The following DOLPP1 variants were observed in gnomAD, a reference collection of about 807,000 sequenced individuals.
DOLPP1 encodes dolichyldiphosphatase 1.
Under a neutral mutation model 34.1 loss-of-function variants are expected in DOLPP1, and 15 were observed. The observed-to-expected ratio is 0.44, with a 90% CI of 0.29 to 0.68. The LOEUF (loss-of-function observed/expected upper bound fraction) is 0.68. Ranked by LOEUF, DOLPP1 falls within the 30% of genes least tolerant of loss-of-function variation. The pLI is 0.12. For missense variants in DOLPP1, 249 were observed against 307.1 expected (o/e 0.81, Z 1.41); for synonymous variants, 130 against 128.2 (o/e 1.01, Z -0.10).
At chr9:129,086,597 T>A in intron 6 of DOLPP1, 112 bp from the exon 7 acceptor site, 1 of 1,132,796 alleles carries the variant, frequency 8.8e-7, no homozygotes, top group Non-Finnish European at 1.3e-6. Flanking sequence ...GCAAAGACTC[T>A]AGGCAGTCGG....
chr9:129,083,518 G>C (rs1338812906), intron 1 of DOLPP1, among the ~76,000 whole-genome samples: 1 of 152,190 alleles, frequency 6.6e-6, no homozygotes, highest in Non-Finnish European at 1.5e-5. Context: ...GTAGGATCCT[G>C]TGTGTGGATG....
chr9:129,083,663 C>T, intron 1 of DOLPP1, among the ~76,000 whole-genome samples: 1 of 152,160 alleles, frequency 6.6e-6, no homozygotes, highest in East Asian at 1.9e-4. Flanking sequence ...ACCTCTGCCC[C>T]AACATGGAAG....
rs188917700 is a variant in DOLPP1 at position 129,088,334 on chromosome 9, G to A, written c.681-637G>A. Among the ~76,000 whole-genome samples, 111 of 152,196 alleles carry A rather than the reference G, an allele frequency of 7.3e-4. 3 individuals carry two copies. In the East Asian group the frequency reaches 0.017, roughly 23 times the overall value. On this transcript the variant is annotated intron_variant, in intron 7 of 7. Transcript: ENST00000372546. ...GGGTGTGTTGTGGGATGAGGCTGGG[G>A]ACAGATCACACAGGACCAGTCAGGT...
At chr9:129,088,460 G>A (rs1424453280) in intron 7 of DOLPP1, among the ~76,000 whole-genome samples, 2 of 152,068 alleles carry the variant, frequency 1.3e-5, no homozygotes, top group Non-Finnish European at 2.9e-5. Flanking sequence ...GGTTCCCTCA[G>A]GTTCCTGGGC....
chr9:129,088,916 T>C, intron 7 of DOLPP1, 55 bp from the exon 8 acceptor site: 1 of 1,592,394 alleles, frequency 6.3e-7, no homozygotes, highest in Non-Finnish European at 8.6e-7. Flanking sequence ...TGGGGACAGC[T>C]GTAGGTCACT....
Position 129,089,236 on chromosome 9 carries a change from C to A in DOLPP1, c.*229C>A, listed in dbSNP as rs991142298. On this transcript the variant is annotated 3_prime_UTR_variant, in exon 8 of 8. Transcript: ENST00000372546. This position sits in a 1 kb window ranked among gnomAD's most constrained non-coding sequence, Gnocchi z 4.9. Reference sequence around the variant, plus strand: ...GCTGCCTGGGGGCCGTGGCCAGAGACCCTCGCTGTGCTGCTGCCAGCCCCT... The same window carrying A: ...GCTGCCTGGGGGCCGTGGCCAGAGAACCTCGCTGTGCTGCTGCCAGCCCCT... The A allele has an allele frequency of 6.1e-6, 3 of 492,426 alleles. No individual in the cohort carries two copies. The highest frequency in any genetic ancestry group is 1.1e-5 in the Non-Finnish European group (3 of 271,272). The allele number at this position is 492,426 out of a possible 1,614,324, so 30.5% of individuals were successfully genotyped here. A position where few individuals can be genotyped will look rare whatever the true frequency, so the allele number is the denominator to read the frequency against.
chr9:129,088,257 C>T (rs1176852860), intron 7 of DOLPP1, among the ~76,000 whole-genome samples: 5 of 152,004 alleles, frequency 3.3e-5, no homozygotes, highest in Admixed American at 2.0e-4. Context: ...GCTGACAAAG[C>T]TTGGTGACTG....
In DOLPP1 at chr9:129,085,107, G is replaced by A. The variant is rs1464491488; in HGVS notation, c.262G>A (p.Gly88Ser). 1.2e-6 allele frequency: 2 copies of A among 1,600,682 alleles called. No homozygotes were observed. Among genetic ancestry groups the A allele is most frequent in the Admixed American group, 1.7e-5 (1 of 58,872 alleles). ...CATCCAGGAGCCACGGCCCTGTGGAGGTAGGGCCTCAGCTGCGAGGGCCTG... is the reference window on the plus strand; with the variant it reads ...CATCCAGGAGCCACGGCCCTGTGGAAGTAGGGCCTCAGCTGCGAGGGCCTG... ...NVIQEPRPCG[G>S]PHTAVGTKYG... Residue 88 changes from glycine to serine, a missense_variant and splice_region_variant, in exon 3 of 8, where the codon GGC becomes AGC. Coordinates refer to ENST00000372546, the MANE Select transcript of DOLPP1 (RefSeq NM_020438.5). This position sits in a 1 kb window ranked among gnomAD's most constrained non-coding sequence, Gnocchi z 7.0.
intron 1 of DOLPP1, 131 bp downstream of exon 1, chr9:129,081,338 G>T: frequency 2.6e-6 from 3 of 1,155,790 alleles, no homozygotes; most frequent in East Asian, 3.0e-5. Context: ...AGTGAACCAC[G>T]GAGGGGCTCG....
chr9:129,081,578 T>TC (rs1456918009), intron 1 of DOLPP1, among the ~76,000 whole-genome samples: 2 of 152,204 alleles, frequency 1.3e-5, no homozygotes, highest in African/African-American at 4.8e-5. Context: ...GCACTCCTGT[T>TC]CCAGCGTGCA....
Position 129,084,771 on chromosome 9 carries a change from G to A in DOLPP1, c.177+3G>A. 1 of 1,606,522 alleles carries A rather than the reference G, an allele frequency of 6.2e-7. No individual in the cohort carries two copies. Among genetic ancestry groups the A allele is most frequent in the Non-Finnish European group, 8.5e-7 (1 of 1,173,660 alleles). ...TATTTAAGCGGGAGCTGCACACGGT[G>A]AGTCTGTCTTGCCCACACCCTCCCC... On this transcript the variant is annotated splice_donor_region_variant and intron_variant, in intron 2 of 7. Transcript: ENST00000372546.
chr9:129,084,879 C>CT, intron 2 of DOLPP1, 111 bp downstream of exon 2: 1 of 1,204,784 alleles, frequency 8.3e-7, no homozygotes, highest in Non-Finnish European at 1.2e-6. Flanking sequence ...GTCCACCTGT[C>CT]TTGAGGTGCG....
intron 6 of DOLPP1, 36 bp downstream of exon 6, chr9:129,086,303 C>A (rs1175321718): frequency 4.3e-6 from 7 of 1,609,246 alleles, no homozygotes; most frequent in Non-Finnish European, 5.1e-6. Context: ...ACTGTGGGCC[C>A]TGTCCCCTCC....
chr9:129,086,866 G>A, intron 7 of DOLPP1, 68 bp downstream of exon 7: 1 of 1,409,260 alleles, frequency 7.1e-7, no homozygotes. Flanking sequence ...TGTTTGGAGG[G>A]CTCTCCGGGA....
chr9:129,085,396 G>T lies in DOLPP1; in HGVS notation c.362+90G>T. 6.6e-7 allele frequency: 1 copy of T among 1,508,042 alleles called. No homozygotes were observed. Among genetic ancestry groups the T allele is most frequent in the Non-Finnish European group, 9.2e-7 (1 of 1,085,980 alleles). 93.4% of individuals were successfully genotyped at this position (1,508,042 alleles called of 1,614,324 possible). Reference sequence around the variant, plus strand: ...CTGCTAGCCCTTTGGATGCCCCTGGGGTGGGAGGGGCTGCAGCGGAGGCAG... The same window carrying T: ...CTGCTAGCCCTTTGGATGCCCCTGGTGTGGGAGGGGCTGCAGCGGAGGCAG... On this transcript the variant is annotated intron_variant, in intron 4 of 7. Coordinates refer to ENST00000372546, the MANE Select transcript of DOLPP1 (RefSeq NM_020438.5). This position sits in a 1 kb window ranked among gnomAD's most constrained non-coding sequence, Gnocchi z 7.0.
At chr9:129,088,822 A>G in intron 7 of DOLPP1, 149 bp from the exon 8 acceptor site, 1 of 699,132 alleles carries the variant, frequency 1.4e-6, no homozygotes, top group South Asian at 1.6e-5. Flanking sequence ...TTCCCAGGGC[A>G]GGTGCTCTGA....
chr9:129,087,416 C>T (rs977984214), intron 7 of DOLPP1, among the ~76,000 whole-genome samples: 2 of 151,466 alleles, frequency 1.3e-5, no homozygotes, highest in African/African-American at 4.9e-5. Context: ...CCCTTGTTCA[C>T]ACCATTCTCC....
chr9:129,086,364 T>G (rs1029725454), intron 6 of DOLPP1, 97 bp downstream of exon 6: 10 of 1,459,372 alleles, frequency 6.9e-6, no homozygotes, highest in Non-Finnish European at 9.3e-6. Context: ...CCCCAGCCCC[T>G]GTCTCCCTGG....
rs1473387882 is a variant in DOLPP1, at chr9:129,086,806, C to T, written c.680+8C>T. On this transcript the variant is annotated splice_region_variant and intron_variant, in intron 7 of 7. Coordinates refer to ENST00000372546, the MANE Select transcript of DOLPP1 (RefSeq NM_020438.5). ...AACCCGGGCAGAAGCCAGGTGAGTT[C>T]AGGGGACAGCAGTGCTCACTGGGCC... 8 of 1,612,390 alleles carry T rather than the reference C, an allele frequency of 5.0e-6. No individual in the cohort carries two copies. The highest frequency in any genetic ancestry group is 6.8e-6 in the Non-Finnish European group (8 of 1,179,200).
Sources: allele counts gnomAD v4.1 joint callset (sites outside exome capture counted in the v4.1 genomes callset), GRCh38; gene constraint gnomAD v4.1.1; non-coding constraint Gnocchi (gnomAD v3.1); transcripts MANE v1.5; gene names NCBI Gene and HGNC (gene_info 2026-07-23, HGNC 2026-07-21).